ITGA8: variants seen among roughly 807,000 people sequenced by gnomAD.
ITGA8 encodes the protein integrin alpha-8.
Under a neutral mutation model 142.3 loss-of-function variants are expected in ITGA8, and 91 were observed. That is an observed-to-expected ratio of 0.64 (90% CI 0.54 to 0.76). The LOEUF (loss-of-function observed/expected upper bound fraction) is 0.76. ITGA8 is among the 30% of genes least tolerant of loss of function. The pLI is 0.00. For missense variants in ITGA8, 1,406 were observed against 1,327.7 expected (o/e 1.06, Z -0.92); for synonymous variants, 505 against 485.2 (o/e 1.04, Z -0.54).
chr10:15,564,656 A>G (rs1341911395), intron 25 of ITGA8, among the ~76,000 whole-genome samples: 1 of 152,246 alleles, frequency 6.6e-6, no homozygotes, highest in Admixed American at 6.5e-5. Flanking sequence ...GATTAAAGGG[A>G]TACTGTGCAG....
chr10:15,646,757 C>G (rs780572621), intron 12 of ITGA8, 89 bp downstream of exon 12: 1 of 911,752 alleles, frequency 1.1e-6, no homozygotes, highest in African/African-American at 1.6e-5. Context: ...CACCCACACA[C>G]ACCATACTGA....
At chr10:15,532,053 G>GGGGGGGGGGGGT (rs1564338878) in intron 27 of ITGA8, among the ~76,000 whole-genome samples, 7 of 148,470 alleles carry the variant, frequency 4.7e-5, no homozygotes, top group South Asian at 2.2e-4. Flanking sequence ...GGGTGGGGGG[G>GGGGGGGGGGGGT]CCTGTCCTCT....
intron 28 of ITGA8, among the ~76,000 whole-genome samples, chr10:15,523,438 T>G (rs529328101): frequency 6.6e-6 from 1 of 152,324 alleles, no homozygotes; most frequent in Admixed American, 6.5e-5. Context: ...ACGTACTGGC[T>G]TTCTGTTTAC....
chr10:15,564,832 C>T (rs1834050028), intron 25 of ITGA8, among the ~76,000 whole-genome samples: 1 of 152,228 alleles, frequency 6.6e-6, no homozygotes, highest in African/African-American at 2.4e-5. Context: ...AAACAACAGA[C>T]AACTCTCATG....
chr10:15,671,176 G>C (rs1049028764), intron 8 of ITGA8, among the ~76,000 whole-genome samples: 2 of 152,136 alleles, frequency 1.3e-5, no homozygotes, highest in Non-Finnish European at 2.9e-5. Flanking sequence ...TGGGGTTTTG[G>C]TATGTTAAAA....
intron 11 of ITGA8, among the ~76,000 whole-genome samples, chr10:15,653,944 C>T (rs1295141604): frequency 6.6e-6 from 1 of 151,730 alleles, no homozygotes; most frequent in Non-Finnish European, 1.5e-5. Context: ...AAGGGATTAT[C>T]CTGCCTCAGC....
chr10:15,613,878 C>A, intron 14 of ITGA8, 111 bp from the exon 15 acceptor site: 2 of 698,614 alleles, frequency 2.9e-6, no homozygotes, highest in Non-Finnish European at 5.0e-6. Flanking sequence ...ACTCCACAGG[C>A]CATTGCCAAC....
chr10:15,672,314 G>T (rs1308518046), intron 7 of ITGA8, among the ~76,000 whole-genome samples: 1 of 152,150 alleles, frequency 6.6e-6, no homozygotes, highest in Non-Finnish European at 1.5e-5. Flanking sequence ...AACTAAGAAG[G>T]CTGCTATCAT....
chr10:15,698,258 A>T (rs768272408), intron 2 of ITGA8, among the ~76,000 whole-genome samples: 4 of 152,332 alleles, frequency 2.6e-5, no homozygotes, highest in East Asian at 1.9e-4. Flanking sequence ...TTTATGGCTG[A>T]GTAGTATTCC....
intron 27 of ITGA8, among the ~76,000 whole-genome samples, chr10:15,532,357 T>G (rs1833321216): frequency 7.3e-6 from 1 of 136,648 alleles, no homozygotes; most frequent in South Asian, 2.4e-4. Flanking sequence ...AGGCGGAGGT[T>G]GCAGTGAGCC....
At chr10:15,532,288 G>A (rs1444444613) in intron 27 of ITGA8, among the ~76,000 whole-genome samples, 3 of 151,500 alleles carry the variant, frequency 2.0e-5, no homozygotes, top group Admixed American at 2.0e-4. Flanking sequence ...GCATGGTGGC[G>A]GGTCCCTATA....
At chr10:15,576,155 A>G (rs895600163) in intron 23 of ITGA8, among the ~76,000 whole-genome samples, 1 of 152,098 alleles carries the variant, frequency 6.6e-6, no homozygotes, top group African/African-American at 2.4e-5. Context: ...CCTCCTTTCT[A>G]TATTTCTTTG....
intron 28 of ITGA8, among the ~76,000 whole-genome samples, chr10:15,525,642 TCTC>T: frequency 3.2e-5 from 1 of 31,054 alleles, no homozygotes; most frequent in South Asian, 1.6e-3. Context: ...CGAAACTCCA[TCTC>T]AAAAAAAAAA....
At chr10:15,627,999 G>A (rs1334147754) in intron 13 of ITGA8, among the ~76,000 whole-genome samples, 1 of 151,970 alleles carries the variant, frequency 6.6e-6, no homozygotes, top group Non-Finnish European at 1.5e-5. Flanking sequence ...CTCATTATAT[G>A]CTAATTATAA....
intron 13 of ITGA8, among the ~76,000 whole-genome samples, chr10:15,620,143 G>C (rs1376480273): frequency 6.6e-6 from 1 of 152,218 alleles, no homozygotes; most frequent in Non-Finnish European, 1.5e-5. Flanking sequence ...GCCAGATGCA[G>C]AACAGAGACT....
chr10:15,636,241 A>G (rs988926409), intron 13 of ITGA8, among the ~76,000 whole-genome samples: 2 of 152,200 alleles, frequency 1.3e-5, no homozygotes, highest in African/African-American at 4.8e-5. Context: ...GGATTTCAAG[A>G]TTCCTGACTA....
chr10:15,645,472 C>G (rs1833963759), intron 12 of ITGA8, among the ~76,000 whole-genome samples: 1 of 152,178 alleles, frequency 6.6e-6, no homozygotes, highest in East Asian at 1.9e-4. Flanking sequence ...AATAGAGCAG[C>G]TTTACAGAGT....
chr10:15,718,952 T>G, intron 1 of ITGA8, 53 bp from the exon 2 acceptor site: 2 of 1,612,560 alleles, frequency 1.2e-6, no homozygotes, highest in East Asian at 2.2e-5. Context: ...ACCGTGCGCA[T>G]GCAATGCAGT....
intron 2 of ITGA8, among the ~76,000 whole-genome samples, chr10:15,703,059 C>T (rs975088076): frequency 3.9e-5 from 6 of 152,094 alleles, no homozygotes; most frequent in African/African-American, 9.7e-5. Flanking sequence ...TTGTTCATAT[C>T]GCTATTTAAA....
Sources: allele counts gnomAD v4.1 joint callset (sites outside exome capture counted in the v4.1 genomes callset), GRCh38; gene constraint gnomAD v4.1.1; transcripts MANE v1.5; gene names NCBI Gene and HGNC (gene_info 2026-07-23, HGNC 2026-07-21).